ACAN: variants seen among roughly 807,000 people sequenced by gnomAD.
ACAN encodes aggrecan.
ACAN carries 47 observed loss-of-function variants against 169.1 expected under a neutral mutation model. The observed-to-expected ratio is 0.28, with a 90% CI of 0.22 to 0.35. The LOEUF is 0.35. Among genes scored for constraint, ACAN ranks in the 10% least tolerant of loss-of-function variants. The pLI is 1.00. For missense variants in ACAN, 2,716 were observed against 2,759.9 expected (o/e 0.98, Z 0.36); for synonymous variants, 1,115 against 1,112.2 (o/e 1.00, Z -0.05).
At chr15:88,831,294 T>C (rs749063057) in intron 1 of ACAN, among the ~76,000 whole-genome samples, 9 of 152,220 alleles carry the variant, frequency 5.9e-5, no homozygotes, top group Non-Finnish European at 1.3e-4. Flanking sequence ...CAAAATCACA[T>C]GCTGCACTAA....
intron 1 of ACAN, among the ~76,000 whole-genome samples, chr15:88,824,716 T>C (rs927598994): frequency 2.0e-5 from 3 of 151,816 alleles, no homozygotes; most frequent in Admixed American, 6.6e-5. Context: ...CCATCTCTAC[T>C]AAAAATACAA....
rs11855963 is a variant in ACAN at position 88,839,303 on chromosome 15, G to A, written c.454+257G>A. 0.26 allele frequency among the ~76,000 whole-genome samples: 39,900 copies of A among 152,178 alleles called. 5,489 individuals carry two copies. Among genetic ancestry groups the A allele is most frequent in the Non-Finnish European group, 0.3 (20,620 of 68,004 alleles). ...GTGCTTCCCAAGAATCCTGTGATCC[G>A]GTGGGTCTTGTGATCGTGCCCATTT... On this transcript the variant is annotated intron_variant, in intron 3 of 18. Coordinates refer to ENST00000560601, the MANE Select transcript of ACAN (RefSeq NM_001369268.1). The surrounding 1 kb of genome is among the most constrained non-coding windows in gnomAD (Gnocchi z 4.5).
intron 4 of ACAN, among the ~76,000 whole-genome samples, chr15:88,841,064 G>T (rs1158089815): frequency 1.3e-5 from 2 of 152,228 alleles, no homozygotes; most frequent in Non-Finnish European, 2.9e-5. Context: ...AGAATGGCGT[G>T]AACCCGGGAG....
rs755006390 is a variant in ACAN, at chr15:88,872,837, ACTGTC to A, written c.7303-40_7303-36del. ...AGACAGTCGGAGCAGGCCAACCCGC[ACTGTC>A]CTGCCCTCTCCTTACTCCTTCCCCA... On this transcript the variant is annotated intron_variant, in intron 16 of 18. Transcript: ENST00000560601. The surrounding 1 kb of genome is among the most constrained non-coding windows in gnomAD (Gnocchi z 5.4). The A allele has an allele frequency of 4.1e-4, 663 of 1,606,744 alleles. 3 individuals are homozygous for A. Among genetic ancestry groups the A allele is most frequent in the Middle Eastern group, 1.1e-3 (5 of 4,722 alleles).
At position 88,857,490 on chromosome 15, in the gene ACAN, G is replaced by A. The variant is rs1897083729; in HGVS notation, c.4905G>A (p.Gly1635=). 1 of 1,613,768 alleles carries A rather than the reference G, an allele frequency of 6.2e-7. No individual in the cohort carries two copies. Among genetic ancestry groups the A allele is most frequent in the Admixed American group, 1.7e-5 (1 of 60,012 alleles). The change falls in exon 12 of 19, where the codon GGG becomes GGA. Residue 1635 remains glycine (G), a synonymous_variant. Transcript: ENST00000560601. ...LPSGFSGEYS[G]VDLGSGPPSG... ...CTGGATTTAGTGGTGAGTATTCTGG[G>A]GTGGACCTTGGAAGTGGCCCACCCT... is the stretch of plus-strand genomic sequence containing the variant.
intron 9 of ACAN, among the ~76,000 whole-genome samples, chr15:88,848,256 C>A (rs1896844564): frequency 6.6e-6 from 1 of 152,186 alleles, no homozygotes; most frequent in Non-Finnish European, 1.5e-5. Context: ...GTGGTCTCCT[C>A]CAGCATTGCA....
At chr15:88,817,949 TTCTG>T (rs781420929) in intron 1 of ACAN, among the ~76,000 whole-genome samples, 6 of 152,134 alleles carry the variant, frequency 3.9e-5, no homozygotes, top group Admixed American at 2.6e-4. Flanking sequence ...AGAGTTAAAT[TTCTG>T]TCTGTCTTTC....
At chr15:88,817,496 T>C (rs1895969866) in intron 1 of ACAN, among the ~76,000 whole-genome samples, 1 of 151,816 alleles carries the variant, frequency 6.6e-6, no homozygotes, top group African/African-American at 2.4e-5. Flanking sequence ...TAGAGACAGA[T>C]TTCCTTTAAA....
intron 1 of ACAN, among the ~76,000 whole-genome samples, chr15:88,829,371 T>C (rs1896303542): frequency 6.6e-6 from 1 of 152,128 alleles, no homozygotes; most frequent in Non-Finnish European, 1.5e-5. Flanking sequence ...AGGACAGAGC[T>C]GGGACTGAAA....
chr15:88,845,457 G>A (rs1453126639), intron 6 of ACAN, 48 bp from the exon 7 acceptor site: 1 of 1,551,160 alleles, frequency 6.4e-7, no homozygotes, highest in African/African-American at 1.4e-5. Flanking sequence ...TCCCCCTCAA[G>A]CCGGTCCCAG....
At chr15:88,845,423 T>C in intron 6 of ACAN, 82 bp from the exon 7 acceptor site, 1 of 1,510,538 alleles carries the variant, frequency 6.6e-7, no homozygotes, top group Non-Finnish European at 8.9e-7. Context: ...GGGGGAGCCA[T>C]GCTCATCTCC....
Position 88,874,319 on chromosome 15 carries a change from G to A in ACAN, c.7631-86G>A, listed in dbSNP as rs1274177766. The A allele has an allele frequency of 2.3e-6, 3 of 1,323,616 alleles. No homozygotes were observed. The highest frequency in any genetic ancestry group is 2.5e-5 in the South Asian group (2 of 79,082). 82.0% of individuals were successfully genotyped at this position (1,323,616 alleles called of 1,614,324 possible). ...CGCCTGAGTCCTGGTTTCCACAAGG[G>A]AGAGAGGGTAGTCTGGGGAGAGCCT... is the stretch of plus-strand genomic sequence containing the variant. On this transcript the variant is annotated intron_variant, in intron 18 of 18. Coordinates refer to ENST00000560601, the MANE Select transcript of ACAN (RefSeq NM_001369268.1). The surrounding 1 kb of genome is among the most constrained non-coding windows in gnomAD (Gnocchi z 7.3).
intron 13 of ACAN, among the ~76,000 whole-genome samples, chr15:88,865,970 G>T (rs1897273855): frequency 6.6e-6 from 1 of 152,004 alleles, no homozygotes; most frequent in Non-Finnish European, 1.5e-5. Context: ...CAGGATTGTG[G>T]CCCTTCTTTC....
intron 1 of ACAN, among the ~76,000 whole-genome samples, chr15:88,822,774 C>T (rs1300638927): frequency 6.6e-6 from 1 of 152,146 alleles, no homozygotes; most frequent in Non-Finnish European, 1.5e-5. Context: ...CCTTCCCAGA[C>T]CCTGGAATCA....
At chr15:88,812,266 G>A (rs1448765495) in intron 1 of ACAN, among the ~76,000 whole-genome samples, 1 of 152,198 alleles carries the variant, frequency 6.6e-6, no homozygotes. Context: ...AGATAAGGCT[G>A]ATGCTTCAGC....
Position 88,851,984 on chromosome 15 carries a change from G to C in ACAN, c.2217G>C (p.Gln739His). ...ILEFTTEPEN[Q>H]TEWEPAYTPV... Reference sequence around the variant, plus strand: ...AGTTCACCACCGAGCCAGAAAACCAGACAGAATGGGAACCAGCCTATACCC... The same window carrying C: ...AGTTCACCACCGAGCCAGAAAACCACACAGAATGGGAACCAGCCTATACCC... The change falls in exon 11 of 19, where the codon CAG (glutamine) becomes CAC (histidine). Residue 739 changes from glutamine (Q) to histidine (H), a missense_variant. Gln to His is a conservative substitution (Grantham distance 24). This residue lies in a region of ACAN where 1,283 missense variants were observed against 1,281.5 expected (regional missense o/e 1.00). Coordinates refer to ENST00000560601, the MANE Select transcript of ACAN (RefSeq NM_001369268.1). The surrounding 1 kb of genome is among the most constrained non-coding windows in gnomAD (Gnocchi z 4.3). The C allele has an allele frequency of 6.2e-7, 1 of 1,611,706 alleles. No individual in the cohort carries two copies. Among genetic ancestry groups the C allele is most frequent in the Non-Finnish European group, 8.5e-7 (1 of 1,178,940 alleles).
At position 88,868,216 on chromosome 15, in the gene ACAN, A is replaced by G. The variant is rs1317954751; in HGVS notation, c.6947A>G (p.Asp2316Gly). Residue 2316 changes from aspartate (D) to glycine (G), a missense_variant and splice_region_variant, in exon 14 of 19, where the codon GAC becomes GGC. Asp to Gly is a moderately conservative substitution (Grantham distance 94). Coordinates refer to ENST00000560601, the MANE Select transcript of ACAN (RefSeq NM_001369268.1). The surrounding 1 kb of genome is among the most constrained non-coding windows in gnomAD (Gnocchi z 5.2). Reference protein sequence around the residue: ...PGYTGEHCNIDIDECLSSPCL... With the variant: ...PGYTGEHCNIGIDECLSSPCL... ...AATGGTGGCCCTTGGTTTCTTGCAG[A>G]CATTGATGAGTGCCTCTCAAGCCCT... 1.4e-6 allele frequency: 1 copy of G among 702,318 alleles called. No homozygotes were observed. Among genetic ancestry groups the G allele is most frequent in the Non-Finnish European group, 2.6e-6 (1 of 384,668 alleles). 43.5% of individuals were successfully genotyped at this position (702,318 alleles called of 1,614,324 possible).
chr15:88,834,604 C>T (rs573129315), intron 1 of ACAN, among the ~76,000 whole-genome samples: 1 of 152,366 alleles, frequency 6.6e-6, no homozygotes, highest in East Asian at 1.9e-4. Context: ...GTCCCAGATC[C>T]TCCATCCGCT....
rs1896809586 is a variant in ACAN, at chr15:88,847,126, G to A, written c.1430-117G>A. The A allele has an allele frequency of 2.1e-5, 24 of 1,161,748 alleles. No individual in the cohort carries two copies. The South Asian group carries it at 4.2e-4, about 20-fold the overall frequency. 72.0% of individuals were successfully genotyped at this position (1,161,748 alleles called of 1,614,324 possible). A position where few individuals can be genotyped will look rare whatever the true frequency, so the allele number is the denominator to read the frequency against. ...ACCAAGTGGGATTTCAGCCTGCATTGCCCAGATAAATCCAATATGTCAGGC... is the reference window on the plus strand; with the variant it reads ...ACCAAGTGGGATTTCAGCCTGCATTACCCAGATAAATCCAATATGTCAGGC... On this transcript the variant is annotated intron_variant, in intron 7 of 18. Coordinates refer to ENST00000560601, the MANE Select transcript of ACAN (RefSeq NM_001369268.1).
Sources: gnomAD v4.1 joint callset for allele counts (sites outside exome capture counted in the v4.1 genomes callset) on GRCh38, gnomAD v4.1.1 for gene constraint, gnomAD v4.1.1 regional missense constraint, Gnocchi (gnomAD v3.1) non-coding constraint, MANE v1.5 for transcripts, NCBI Gene and HGNC (gene_info 2026-07-23, HGNC 2026-07-21) for gene names.